CD101: variants seen among roughly 807,000 people sequenced by gnomAD.
CD101 encodes immunoglobulin superfamily member 2.
In CD101, 76 loss-of-function variants were observed where a neutral mutation model predicts 98.2. The observed-to-expected ratio is 0.77, with a 90% CI of 0.64 to 0.94. CD101 has a LOEUF of 0.94. Ranked by LOEUF, CD101 falls within the 40% of genes least tolerant of loss-of-function variation. CD101 has a pLI of 0.00. For synonymous variants in CD101, 471 were observed against 472.7 expected (o/e 1.00, Z 0.05); for missense variants, 1,145 against 1,218.8 (o/e 0.94, Z 0.90).
At position 117,023,478 on chromosome 1, in the gene CD101, A is replaced by G. The variant is rs1653702660; in HGVS notation, c.2428+1495A>G. ...TGTTGCTCAGGCTGGAGTCAGTGGTATGATCTTAGCTCACTGCAACCTCCT... is the reference window on the plus strand; with the variant it reads ...TGTTGCTCAGGCTGGAGTCAGTGGTGTGATCTTAGCTCACTGCAACCTCCT... On this transcript the variant is annotated intron_variant, in intron 7 of 9. Transcript: ENST00000682167. The surrounding 1 kb of genome is among the most constrained non-coding windows in gnomAD (Gnocchi z 4.4). Among the ~76,000 whole-genome samples, 1 of 151,782 alleles carries G rather than the reference A, an allele frequency of 6.6e-6. No homozygotes were observed. Among genetic ancestry groups the G allele is most frequent in the South Asian group, 2.1e-4 (1 of 4,820 alleles).
rs147095176 is a variant in CD101, at chr1:117,013,503, A to G, written c.939A>G (p.Pro313=). The part of the protein sequence containing the change: ...VCLVVSSGRD[P]QLQGIWFFNG... ...TGGTTGTAAGCAGTGGCCGTGACCCACAGCTTCAAGGCATTTGGTTCTTCA... is the reference window on the plus strand; with the variant it reads ...TGGTTGTAAGCAGTGGCCGTGACCCGCAGCTTCAAGGCATTTGGTTCTTCA... The change falls in exon 4 of 10, where the codon CCA becomes CCG. Residue 313 remains proline (P), a synonymous_variant. Coordinates refer to ENST00000682167, the MANE Select transcript of CD101 (RefSeq NM_001256106.3). The G allele has an allele frequency of 9.3e-5, 150 of 1,614,186 alleles. No homozygotes were observed. The African/African-American group carries it at 1.7e-3, about 18-fold the overall frequency.
intron 4 of CD101, among the ~76,000 whole-genome samples, chr1:117,016,721 G>A (rs1357646914): frequency 6.6e-6 from 1 of 152,158 alleles, no homozygotes; most frequent in Non-Finnish European, 1.5e-5. Context: ...TAGCCAGCAT[G>A]TTGGCACGTG....
At chr1:117,008,356 T>A (rs774104817) in intron 1 of CD101, among the ~76,000 whole-genome samples, 1 of 151,802 alleles carries the variant, frequency 6.6e-6, no homozygotes, top group East Asian at 1.9e-4. Context: ...TCCTAGCTAC[T>A]CAGGAGGCTG....
At chr1:117,029,200 A>AAG (rs1448135686) in intron 8 of CD101, among the ~76,000 whole-genome samples, 1 of 35,220 alleles carries the variant, frequency 2.8e-5, no homozygotes, top group African/African-American at 1.6e-4. Context: ...AGAAAGAAAG[A>AAG]AAGAAAAGAA....
chr1:117,034,031 T>C lies in CD101; in HGVS notation c.2996T>C (p.Val999Ala), dbSNP rs1570753774. The change falls in exon 9 of 10, where the codon GTG (valine) becomes GCG (alanine). Residue 999 changes from valine to alanine, a missense_variant. Val to Ala is a moderately conservative substitution (Grantham distance 64, BLOSUM62 0). Transcript: ENST00000682167. The part of the protein sequence containing the change: ...SNTRKEKALW[V>A]DLKEAGGVTT... ...ACACGGAAAGAAAAAGCTCTCTGGGTGGACTTGAAAGAGGCTGGAGGTGTG... is the reference window on the plus strand; with the variant it reads ...ACACGGAAAGAAAAAGCTCTCTGGGCGGACTTGAAAGAGGCTGGAGGTGTG... The C allele has an allele frequency of 1.2e-6, 2 of 1,614,022 alleles. No individual in the cohort carries two copies. Among genetic ancestry groups the C allele is most frequent in the Non-Finnish European group, 1.7e-6 (2 of 1,180,024 alleles).
rs1570734977 is a variant in CD101 at position 117,023,795 on chromosome 1, C to T, written c.2429-1714C>T. Among the ~76,000 whole-genome samples, 3 of 152,010 alleles carry T rather than the reference C, an allele frequency of 2.0e-5. No individual in the cohort carries two copies. Among genetic ancestry groups the T allele is most frequent in the East Asian group, 1.9e-4 (1 of 5,148 alleles). On this transcript the variant is annotated intron_variant, in intron 7 of 9. Transcript: ENST00000682167. This position sits in a 1 kb window ranked among gnomAD's most constrained non-coding sequence, Gnocchi z 4.4. ...GTGGCTGTGGACTTCCGGTTGTGCA[C>T]GTCATTTAGGGAACAAGTTAACCAA...
intron 1 of CD101, 143 bp from the exon 2 acceptor site, chr1:117,009,707 A>G: frequency 2.6e-6 from 2 of 771,890 alleles, no homozygotes; most frequent in East Asian, 2.6e-5. Flanking sequence ...CCTGAAGAAG[A>G]TGTTGAACAT....
chr1:117,006,435 C>T lies in CD101; in HGVS notation c.44-3415C>T, dbSNP rs1372977896. On this transcript the variant is annotated intron_variant, in intron 1 of 9. Transcript: ENST00000682167. This position sits in a 1 kb window ranked among gnomAD's most constrained non-coding sequence, Gnocchi z 4.4. ...TTCCCCATTGCCAATGAATCAAGTC[C>T]AAACTTTTAAATGTGATAGTCAAGT... 3.9e-5 allele frequency among the ~76,000 whole-genome samples: 6 copies of T among 152,132 alleles called. No individual in the cohort carries two copies. Among genetic ancestry groups the T allele is most frequent in the Admixed American group, 3.9e-4 (6 of 15,268 alleles).
At position 117,004,882 on chromosome 1, in the gene CD101, G is replaced by A. The variant is rs1246150205; in HGVS notation, c.43+3022G>A. Among the ~76,000 whole-genome samples the A allele has an allele frequency of 2.6e-5, 4 of 151,294 alleles. No individual in the cohort carries two copies. Among genetic ancestry groups the A allele is most frequent in the Non-Finnish European group, 5.9e-5 (4 of 67,828 alleles). ...CATAAACTGGGGCGGGTGGGGGAGG[G>A]GGGCTTATAAACAACAGAAATTTAG... On this transcript the variant is annotated intron_variant, in intron 1 of 9. Transcript: ENST00000682167. This position sits in a 1 kb window ranked among gnomAD's most constrained non-coding sequence, Gnocchi z 4.1.
At position 117,033,898 on chromosome 1, in the gene CD101, TTACTC is replaced by T. The variant is rs1557782376; in HGVS notation, c.2866_2870del (p.Leu956PhefsTer54). ...TTCCAGGATCTGCTCCTCGGCCCCT[TTACTC>T]TATTTCCTGTTCATCTGTCCCTTCG... On this transcript the variant is annotated frameshift_variant, in exon 9 of 10. Coordinates refer to ENST00000682167, the MANE Select transcript of CD101 (RefSeq NM_001256106.3). LOFTEE classifies it high-confidence loss of function. The surrounding 1 kb of genome is among the most constrained non-coding windows in gnomAD (Gnocchi z 4.8). The T allele has an allele frequency of 6.2e-7, 1 of 1,614,174 alleles. No individual in the cohort carries two copies. Among genetic ancestry groups the T allele is most frequent in the East Asian group, 2.2e-5 (1 of 44,892 alleles).
chr1:117,032,504 C>T (rs1236161439), intron 8 of CD101: 1 of 152,214 alleles, frequency 6.6e-6, no homozygotes, highest in East Asian at 1.9e-4. Flanking sequence ...AAATGGAATT[C>T]TTGCAGCAGG....
Position 117,012,018 on chromosome 1 carries a change from A to G in CD101, c.841+52A>G. Reference sequence around the variant, plus strand: ...AATACACTAGTATTAGGTAGTGGGTATTTATGAGGTATGTTTTAATTTTTG... The same window carrying G: ...AATACACTAGTATTAGGTAGTGGGTGTTTATGAGGTATGTTTTAATTTTTG... On this transcript the variant is annotated intron_variant, in intron 3 of 9. Transcript: ENST00000682167. The surrounding 1 kb of genome is among the most constrained non-coding windows in gnomAD (Gnocchi z 4.0). 3 of 1,437,512 alleles carry G rather than the reference A, an allele frequency of 2.1e-6. No individual in the cohort carries two copies. Among genetic ancestry groups the G allele is most frequent in the South Asian group, 1.3e-5 (1 of 75,498 alleles). The allele number at this position is 1,437,512 out of a possible 1,614,324, so 89.0% of individuals were successfully genotyped here.
At position 117,003,605 on chromosome 1, in the gene CD101, G is replaced by T. The variant is rs572593927; in HGVS notation, c.43+1745G>T. On this transcript the variant is annotated intron_variant, in intron 1 of 9. Transcript: ENST00000682167. ...TGCTATGTATATAGGAGGAAACTGGGTTTACATTGTGCAATAATTCATAGA... is the reference window on the plus strand; with the variant it reads ...TGCTATGTATATAGGAGGAAACTGGTTTTACATTGTGCAATAATTCATAGA... Among the ~76,000 whole-genome samples the T allele has an allele frequency of 9.1e-4, 138 of 152,276 alleles. 1 individual carries two copies. The highest frequency in any genetic ancestry group is 1.7e-3 in the Non-Finnish European group (113 of 68,016).
chr1:117,027,479 G>A (rs1422109823), intron 8 of CD101, among the ~76,000 whole-genome samples: 1 of 152,180 alleles, frequency 6.6e-6, no homozygotes, highest in East Asian at 1.9e-4. Context: ...AGAGTCTGGG[G>A]CTCATGAAAA....
At chr1:117,014,540 A>T (rs1653095033) in intron 4 of CD101, among the ~76,000 whole-genome samples, 1 of 152,132 alleles carries the variant, frequency 6.6e-6, no homozygotes, top group Non-Finnish European at 1.5e-5. Context: ...CCTTTACTTT[A>T]TGAAGGTTGG....
In CD101 at chr1:117,036,375, C is replaced by G. The variant is rs960266600; in HGVS notation, c.*241C>G. The G allele has an allele frequency of 2.6e-5, 4 of 152,262 alleles. No homozygotes were observed. Among genetic ancestry groups the G allele is most frequent in the Non-Finnish European group, 4.4e-5 (3 of 68,152 alleles). 9.4% of individuals were successfully genotyped at this position (152,262 alleles called of 1,614,324 possible). On this transcript the variant is annotated 3_prime_UTR_variant, in exon 10 of 10. Transcript: ENST00000682167. The surrounding 1 kb of genome is among the most constrained non-coding windows in gnomAD (Gnocchi z 5.0). ...TGTGTGCTGGCAGGACGACTCACTG[C>G]GGCTGCGCCACTGGGACCCCTCCCC...
At chr1:117,017,784 G>A (rs1653328718) in intron 5 of CD101, among the ~76,000 whole-genome samples, 1 of 152,194 alleles carries the variant, frequency 6.6e-6, no homozygotes, top group Non-Finnish European at 1.5e-5. Flanking sequence ...TGGGATTGCA[G>A]AGCCCATTGA....
chr1:117,033,941 T>C lies in CD101; in HGVS notation c.2906T>C (p.Leu969Pro), dbSNP rs748299912. ...ATCTGTCCCTTCGTCCTGCTCCTCC[T>C]TCTGCTCATCTCCCTCCTCTGCTTA... ...LFICPFVLLL[L>P]LLISLLCLYW... Residue 969 changes from leucine to proline, a missense_variant, in exon 9 of 10, where the codon CTT becomes CCT. By Grantham distance (98) the Leu-to-Pro change is moderately conservative. Coordinates refer to ENST00000682167, the MANE Select transcript of CD101 (RefSeq NM_001256106.3). This position sits in a 1 kb window ranked among gnomAD's most constrained non-coding sequence, Gnocchi z 4.8. 3 of 1,614,188 alleles carry C rather than the reference T, an allele frequency of 1.9e-6. No homozygotes were observed. Among genetic ancestry groups the C allele is most frequent in the Non-Finnish European group, 2.5e-6 (3 of 1,180,030 alleles).
In CD101 at chr1:117,018,570, A is replaced by G. The variant is rs1653393166; in HGVS notation, c.2017+10A>G. On this transcript the variant is annotated intron_variant, in intron 6 of 9. Coordinates refer to ENST00000682167, the MANE Select transcript of CD101 (RefSeq NM_001256106.3). This position sits in a 1 kb window ranked among gnomAD's most constrained non-coding sequence, Gnocchi z 4.3. ...GCCGTCACTTTACCAGGTAAGTGTGACTTGAAATTAATCCCTGTTTTAAAA... is the reference window on the plus strand; with the variant it reads ...GCCGTCACTTTACCAGGTAAGTGTGGCTTGAAATTAATCCCTGTTTTAAAA... 1 of 1,554,688 alleles carries G rather than the reference A, an allele frequency of 6.4e-7. No homozygotes were observed.
Sources: gnomAD v4.1 joint callset for allele counts (sites outside exome capture counted in the v4.1 genomes callset) on GRCh38, gnomAD v4.1.1 for gene constraint, Gnocchi (gnomAD v3.1) non-coding constraint, MANE v1.5 for transcripts, NCBI Gene and HGNC (gene_info 2026-07-23, HGNC 2026-07-21) for gene names.